The following UGT1A6 variants were observed in gnomAD, a reference collection of about 807,000 sequenced individuals.
UGT1A6 encodes the protein UDP glucuronosyltransferase family 1 member A6.
UGT1A6 carries 32 observed loss-of-function variants against 44.4 expected under a neutral mutation model. The observed-to-expected ratio is 0.72, with a 90% CI of 0.54 to 0.97. The LOEUF is 0.97. UGT1A6 is among the 50% of genes least tolerant of loss of function. The pLI is 0.00. For synonymous variants in UGT1A6, 238 were observed against 248.5 expected (o/e 0.96, Z 0.40); for missense variants, 685 against 661.9 (o/e 1.03, Z -0.38).
chr2:233,725,210 A>C (rs1180169749), intron 1 of UGT1A6, among the ~76,000 whole-genome samples: 3 of 88,436 alleles, frequency 3.4e-5, no homozygotes, highest in African/African-American at 2.8e-4. Flanking sequence ...AGGCAGAGGC[A>C]GAGGCAGAGG....
chr2:233,705,434 C>T (rs1056138201), intron 1 of UGT1A6, among the ~76,000 whole-genome samples: 1 of 152,130 alleles, frequency 6.6e-6, no homozygotes, highest in African/African-American at 2.4e-5. Flanking sequence ...CATAACTTAT[C>T]CTTCAGAATT....
At chr2:233,702,414 A>AG (rs751016813) in intron 1 of UGT1A6, among the ~76,000 whole-genome samples, 11 of 152,192 alleles carry the variant, frequency 7.2e-5, no homozygotes, top group Non-Finnish European at 1.2e-4. Flanking sequence ...AAATAGAGAT[A>AG]GCGTTACTTC....
chr2:233,719,788 G>A, intron 1 of UGT1A6: 1 of 1,609,458 alleles, frequency 6.2e-7, no homozygotes, highest in Non-Finnish European at 8.5e-7. Flanking sequence ...TCTTTCCAAA[G>A]ATTTTATTTT....
intron 3 of UGT1A6, 80 bp from the exon 4 acceptor site, chr2:233,768,140 A>G (rs573022476): frequency 9.8e-5 from 158 of 1,609,884 alleles, no homozygotes; most frequent in Non-Finnish European, 1.2e-4. Context: ...GAGTCTTTGG[A>G]GTGTTTTCAG....
chr2:233,762,986 G>A (rs1271717565), intron 1 of UGT1A6, among the ~76,000 whole-genome samples: 1 of 152,018 alleles, frequency 6.6e-6, no homozygotes, highest in Non-Finnish European at 1.5e-5. Context: ...CTATTTTAGT[G>A]GAAATTGATT....
intron 1 of UGT1A6, chr2:233,741,829 T>C (rs1473126770): frequency 6.6e-6 from 1 of 151,946 alleles, no homozygotes; most frequent in African/African-American, 2.4e-5. Context: ...GCCTATCCAG[T>C]TCAGTTGCCT....
intron 1 of UGT1A6, among the ~76,000 whole-genome samples, chr2:233,700,715 T>C (rs988984711): frequency 6.6e-6 from 1 of 152,182 alleles, no homozygotes; most frequent in Admixed American, 6.5e-5. Flanking sequence ...TTTTTTTCTT[T>C]TTTTAAAAAT....
intron 1 of UGT1A6, chr2:233,761,111 T>G: frequency 1.9e-6 from 3 of 1,614,220 alleles, no homozygotes; most frequent in Non-Finnish European, 2.5e-6. Context: ...ATGGTTTTTG[T>G]TGGTGGAATC....
chr2:233,751,324 A>C (rs571504836), intron 1 of UGT1A6, among the ~76,000 whole-genome samples: 1 of 151,882 alleles, frequency 6.6e-6, no homozygotes, highest in East Asian at 1.9e-4. Context: ...CTGTACCCCC[A>C]TTGTGTCTTG....
At position 233,729,693 on chromosome 2, in the gene UGT1A6, C is replaced by T. The variant is rs45474199; in HGVS notation, c.861+35828C>T. On this transcript the variant is annotated intron_variant, in intron 1 of 4. Coordinates refer to ENST00000305139, the MANE Select transcript of UGT1A6 (RefSeq NM_001072.4). ...ACTTTAAGGGCACACAGTGTCCAAA[C>T]CCTTCCTCCTATATTCCTAGATTAC... 1,325 of 1,613,958 alleles carry T rather than the reference C, an allele frequency of 8.2e-4. 6 individuals carry two copies. Among genetic ancestry groups the T allele is most frequent in the South Asian group, 5.6e-3 (506 of 91,066 alleles).
intron 1 of UGT1A6, among the ~76,000 whole-genome samples, chr2:233,724,137 G>A (rs1240134584): frequency 1.9e-4 from 22 of 114,476 alleles, no homozygotes; most frequent in Non-Finnish European, 2.5e-4. Context: ...CCTCCCGGAC[G>A]GGGCGGCTGG....
intron 1 of UGT1A6, among the ~76,000 whole-genome samples, chr2:233,744,427 T>C (rs1221651523): frequency 2.0e-5 from 3 of 151,848 alleles, no homozygotes; most frequent in East Asian, 1.9e-4. Flanking sequence ...GTGGATTATA[T>C]CTATCATACG....
chr2:233,713,722 C>G lies in UGT1A6; in HGVS notation c.861+19857C>G, dbSNP rs549143838. 2.4e-5 allele frequency: 39 copies of G among 1,613,948 alleles called. No individual in the cohort carries two copies. In the South Asian group the frequency reaches 4.2e-4, roughly 17 times the overall value. On this transcript the variant is annotated intron_variant, in intron 1 of 4. Transcript: ENST00000305139. Reference sequence around the variant, plus strand: ...TCTGAGCTTTTTCAGAGAGAGGTGTCAGTGGTGGATCTTGTCAGCCATGCA... The same window carrying G: ...TCTGAGCTTTTTCAGAGAGAGGTGTGAGTGGTGGATCTTGTCAGCCATGCA...
chr2:233,772,142 A>T, intron 4 of UGT1A6, 120 bp from the exon 5 acceptor site: 1 of 1,550,154 alleles, frequency 6.5e-7, no homozygotes, highest in Non-Finnish European at 8.7e-7. Context: ...AATAATAGAA[A>T]CAGGTTTCCT....
intron 1 of UGT1A6, among the ~76,000 whole-genome samples, chr2:233,749,245 A>G (rs1371671760): frequency 6.6e-6 from 1 of 151,908 alleles, no homozygotes; most frequent in Admixed American, 6.5e-5. Context: ...ATCAAACCAC[A>G]TGATTTTTTT....
intron 1 of UGT1A6, chr2:233,756,322 A>G (rs1437718635): frequency 6.6e-6 from 1 of 152,226 alleles, no homozygotes; most frequent in Non-Finnish European, 1.5e-5. Flanking sequence ...ATCCTCCTTT[A>G]AACCTCTAGT....
intron 1 of UGT1A6, among the ~76,000 whole-genome samples, chr2:233,753,927 T>C (rs943116990): frequency 6.6e-6 from 1 of 152,224 alleles, no homozygotes; most frequent in Non-Finnish European, 1.5e-5. Flanking sequence ...CTCAGTGATA[T>C]GGGATTCAAA....
Position 233,693,025 on chromosome 2 carries a change from A to G in UGT1A6, c.21A>G (p.Ser7=). The change falls in exon 1 of 5, where the codon TCA becomes TCG. Residue 7 remains serine (S), a synonymous_variant. Transcript: ENST00000305139. MACLLR[S]FQRISAGVFF... ...CCAGGATGGCCTGCCTCCTTCGCTC[A>G]TTTCAGAGAATTTCTGCAGGGGTTT... 1 of 1,614,122 alleles carries G rather than the reference A, an allele frequency of 6.2e-7. No homozygotes were observed. Among genetic ancestry groups the G allele is most frequent in the Non-Finnish European group, 8.5e-7 (1 of 1,180,024 alleles).
intron 1 of UGT1A6, chr2:233,713,127 G>A: frequency 6.2e-7 from 1 of 1,614,246 alleles, no homozygotes; most frequent in Non-Finnish European, 8.5e-7. Flanking sequence ...CAGCATGCGG[G>A]AGGCCTTGCG....
Sources: gnomAD v4.1 joint callset for allele counts (sites outside exome capture counted in the v4.1 genomes callset) on GRCh38, gnomAD v4.1.1 for gene constraint, MANE v1.5 for transcripts, NCBI Gene and HGNC (gene_info 2026-07-23, HGNC 2026-07-21) for gene names.